ADAM22: variants seen among roughly 807,000 people sequenced by gnomAD.
The protein encoded by ADAM22 is ADAM metallopeptidase domain 22.
ADAM22 carries 65 observed loss-of-function variants against 144.6 expected under a neutral mutation model. The ratio of observed to expected loss-of-function variants is 0.45; its 90% CI spans 0.37 to 0.55. The LOEUF is 0.55. Ranked by LOEUF, ADAM22 falls within the 20% of genes least tolerant of loss-of-function variation. The probability of loss-of-function intolerance (pLI) is 0.00; values close to 1 mark genes in which losing one functional copy is unlikely to be tolerated. For missense variants in ADAM22, 974 were observed against 1,184.9 expected (o/e 0.82, Z 2.61); for synonymous variants, 391 against 412.6 (o/e 0.95, Z 0.63).
chr7:88,109,324 A>C (rs1266708730), intron 5 of ADAM22, among the ~76,000 whole-genome samples: 1 of 152,124 alleles, frequency 6.6e-6, no homozygotes, highest in African/African-American at 2.4e-5. Context: ...GAATACATCC[A>C]CTTCCTCCAT....
chr7:87,944,297 C>CACACAATTTGCTGGTAT (rs1843045696), intron 2 of ADAM22, among the ~76,000 whole-genome samples: 2 of 151,550 alleles, frequency 1.3e-5, no homozygotes, highest in Non-Finnish European at 2.9e-5. Flanking sequence ...TTTGCTGGTA[C>CACACAATTTGCTGGTAT]ACACAATTTG....
At chr7:88,089,026 A>G (rs1819149943) in intron 4 of ADAM22, among the ~76,000 whole-genome samples, 1 of 152,018 alleles carries the variant, frequency 6.6e-6, no homozygotes, top group African/African-American at 2.4e-5. Flanking sequence ...AGTCCAGTGC[A>G]AATTGAATAG....
At position 88,131,325 on chromosome 7, in the gene ADAM22, G is replaced by A. The variant is rs558968162; in HGVS notation, c.882G>A (p.Ala294=). The A allele has an allele frequency of 5.6e-6, 9 of 1,613,590 alleles. No homozygotes were observed. Among genetic ancestry groups the A allele is most frequent in the South Asian group, 1.1e-5 (1 of 91,066 alleles). ...TATTGGTTGCTATGGAAACCTGGGC[G>A]ACTGACAACAAGTTTGCCATATCTG... ...RIVLVAMETW[A]TDNKFAISEN... The change falls in exon 11 of 32, where the codon GCG becomes GCA. Residue 294 remains alanine (A), a synonymous_variant. Coordinates refer to ENST00000413139, the MANE Select transcript of ADAM22 (RefSeq NM_001324418.2).
intron 4 of ADAM22, among the ~76,000 whole-genome samples, chr7:88,098,247 A>G (rs1220650699): frequency 1.3e-5 from 2 of 152,196 alleles, no homozygotes; most frequent in Non-Finnish European, 2.9e-5. Flanking sequence ...GAGATAGGAA[A>G]CTAGAATGCT....
At chr7:88,055,619 A>G (rs984640039) in intron 3 of ADAM22, among the ~76,000 whole-genome samples, 3 of 152,186 alleles carry the variant, frequency 2.0e-5, no homozygotes, top group African/African-American at 7.2e-5. Flanking sequence ...CTTTAAAAAT[A>G]TTAACCGCAC....
At chr7:88,128,416 T>A (rs977673482) in intron 8 of ADAM22, among the ~76,000 whole-genome samples, 186 bp from the exon 9 acceptor site, 10 of 152,038 alleles carry the variant, frequency 6.6e-5, no homozygotes, top group Admixed American at 5.3e-4. Flanking sequence ...TTATACTTTT[T>A]AAATTTTCTG....
At chr7:88,172,784 A>G (rs375754363) in intron 26 of ADAM22, among the ~76,000 whole-genome samples, 6 of 152,092 alleles carry the variant, frequency 3.9e-5, no homozygotes, top group East Asian at 1.9e-4. Context: ...CAATTTAAGA[A>G]CAACCAGATT....
intron 4 of ADAM22, among the ~76,000 whole-genome samples, chr7:88,084,112 C>G (rs1817751253): frequency 6.6e-6 from 1 of 152,100 alleles, no homozygotes; most frequent in South Asian, 2.1e-4. Context: ...TGATGAAATG[C>G]AAATAGGAGC....
At chr7:88,055,457 A>G (rs1252228248) in intron 3 of ADAM22, among the ~76,000 whole-genome samples, 1 of 151,926 alleles carries the variant, frequency 6.6e-6, no homozygotes, top group Non-Finnish European at 1.5e-5. Context: ...TGATGCTCTT[A>G]GTGCTCCCAT....
intron 4 of ADAM22, among the ~76,000 whole-genome samples, chr7:88,105,584 G>T (rs1824157357): frequency 6.6e-6 from 1 of 152,196 alleles, no homozygotes; most frequent in South Asian, 2.1e-4. Flanking sequence ...TGATGACAAA[G>T]TAGAATACAA....
intron 3 of ADAM22, among the ~76,000 whole-genome samples, chr7:88,013,232 TC>T (rs1795841789): frequency 6.6e-6 from 1 of 152,208 alleles, no homozygotes; most frequent in Non-Finnish European, 1.5e-5. Flanking sequence ...CACCTGTTTT[TC>T]CAGATTTTGG....
At chr7:87,977,922 A>G (rs1222058423) in intron 2 of ADAM22, among the ~76,000 whole-genome samples, 2 of 152,202 alleles carry the variant, frequency 1.3e-5, no homozygotes, top group Admixed American at 6.5e-5. Flanking sequence ...GGAGGTTTAG[A>G]TATCTTCTTT....
intron 3 of ADAM22, among the ~76,000 whole-genome samples, chr7:87,996,234 G>A (rs1791198195): frequency 6.6e-6 from 1 of 152,142 alleles, no homozygotes; most frequent in South Asian, 2.1e-4. Flanking sequence ...AATGTACTGT[G>A]TACTTTGTGA....
At chr7:88,074,365 G>A (rs1813633803) in intron 3 of ADAM22, among the ~76,000 whole-genome samples, 1 of 152,086 alleles carries the variant, frequency 6.6e-6, no homozygotes, top group Non-Finnish European at 1.5e-5. Context: ...TTATACATCT[G>A]TGAATTCTGT....
At chr7:88,173,218 C>T (rs1348649986) in intron 26 of ADAM22, among the ~76,000 whole-genome samples, 1 of 152,028 alleles carries the variant, frequency 6.6e-6, no homozygotes, top group Non-Finnish European at 1.5e-5. Flanking sequence ...AACATTTTCA[C>T]ATGAAGAATC....
At chr7:87,944,973 T>C (rs1033383839) in intron 2 of ADAM22, among the ~76,000 whole-genome samples, 1 of 136,176 alleles carries the variant, frequency 7.3e-6, no homozygotes, top group Non-Finnish European at 1.5e-5. Context: ...TTCCTCCTCT[T>C]TCTTTACCTT....
intron 4 of ADAM22, among the ~76,000 whole-genome samples, chr7:88,092,112 A>G (rs1485402192): frequency 2.0e-5 from 3 of 152,332 alleles, no homozygotes; most frequent in Admixed American, 2.0e-4. Context: ...CATGGCAAAC[A>G]CATGGCTCAG....
intron 3 of ADAM22, among the ~76,000 whole-genome samples, chr7:88,027,137 T>A (rs1017063620): frequency 2.6e-5 from 4 of 152,180 alleles, no homozygotes; most frequent in African/African-American, 4.8e-5. Flanking sequence ...TTTGCTAGTA[T>A]TTTGTTGAGG....
At chr7:88,180,954 A>ACACT (rs1421338416) in intron 27 of ADAM22, among the ~76,000 whole-genome samples, 2 of 152,134 alleles carry the variant, frequency 1.3e-5, no homozygotes, top group African/African-American at 4.8e-5. Context: ...AACATGTACT[A>ACACT]CACTTTTTTG....
Sources: gnomAD v4.1 joint callset for allele counts (sites outside exome capture counted in the v4.1 genomes callset) on GRCh38, gnomAD v4.1.1 for gene constraint, MANE v1.5 for transcripts, NCBI Gene and HGNC (gene_info 2026-07-23, HGNC 2026-07-21) for gene names.